The following AFF3 variants were observed in gnomAD, a reference collection of about 807,000 sequenced individuals.
AFF3 encodes ALF transcription elongation factor 3.
Under a neutral mutation model 129.7 loss-of-function variants are expected in AFF3, and 32 were observed. The ratio of observed to expected loss-of-function variants is 0.25; its 90% CI spans 0.19 to 0.33. The LOEUF is 0.33. Ranked by LOEUF, AFF3 falls within the 10% of genes least tolerant of loss-of-function variation. The pLI, the probability that AFF3 is intolerant of heterozygous loss-of-function variation, is 1.00. For synonymous variants in AFF3, 644 were observed against 635.4 expected (o/e 1.01, Z -0.20); for missense variants, 1,373 against 1,592.0 (o/e 0.86, Z 2.34).
intron 4 of AFF3, among the ~76,000 whole-genome samples, chr2:100,040,052 G>A (rs540514232): frequency 6.6e-6 from 1 of 152,242 alleles, no homozygotes; most frequent in East Asian, 1.9e-4. Flanking sequence ...TCAGCATTAA[G>A]AAGGACTGCA....
chr2:99,788,601 G>A lies in AFF3; in HGVS notation c.922-36300C>T, dbSNP rs568677983. On this transcript the variant is annotated intron_variant, in intron 8 of 24. Transcript: ENST00000672756. Reference sequence around the variant, plus strand: ...TCAAAAATTACACAACTTTAAAAATGTATAAAGTAAAAAGGTTACAGTAAG... The same window carrying A: ...TCAAAAATTACACAACTTTAAAAATATATAAAGTAAAAAGGTTACAGTAAG... Among the ~76,000 whole-genome samples the A allele has an allele frequency of 2.0e-4, 30 of 152,320 alleles. No homozygotes were observed. In the South Asian group the frequency reaches 4.6e-3, roughly 23 times the overall value.
rs576394683 is a variant in AFF3, at chr2:100,045,301, C to T, written c.54-36369G>A. 1.6e-3 allele frequency among the ~76,000 whole-genome samples: 251 copies of T among 152,298 alleles called. 7 individuals carry two copies. In the South Asian group the frequency reaches 0.051, roughly 31 times the overall value. On this transcript the variant is annotated intron_variant, in intron 4 of 24. Transcript: ENST00000672756. The stretch of plus-strand genomic sequence containing the variant: ...TACCCGCCAGCAACAGTCGCATGTT[C>T]ACCGGCGCTCTTTTCTTCTCGTTCT...
At position 99,546,874 on chromosome 2, in the gene AFF3, C is replaced by A. The variant is rs1376998256; in HGVS notation, c.*4600G>T. The A allele has an allele frequency of 2.7e-5, 6 of 219,948 alleles. No individual in the cohort carries two copies. In the Admixed American group the frequency reaches 3.5e-4, roughly 13 times the overall value. 13.6% of individuals were successfully genotyped at this position (219,948 alleles called of 1,614,324 possible). A position where few individuals can be genotyped will look rare whatever the true frequency, so the allele number is the denominator to read the frequency against. On this transcript the variant is annotated 3_prime_UTR_variant, in exon 25 of 25. Transcript: ENST00000672756. ...CCCAGGGCTACTGGTTGAACAGGAA[C>A]CCTGTGGCCATTGAGATGACCTTCT...
intron 8 of AFF3, among the ~76,000 whole-genome samples, chr2:99,782,649 T>C (rs1363106326): frequency 1.3e-5 from 2 of 152,236 alleles, no homozygotes; most frequent in Admixed American, 6.5e-5. Flanking sequence ...CTCAGGCCTC[T>C]CTTCTGATAT....
chr2:100,122,033 C>A (rs1276141253), intron 2 of AFF3, among the ~76,000 whole-genome samples: 2 of 152,170 alleles, frequency 1.3e-5, no homozygotes, highest in African/African-American at 4.8e-5. Flanking sequence ...CTGCAGTCCG[C>A]AGTCCGGCCT....
At chr2:99,796,409 T>C (rs1685562116) in intron 8 of AFF3, among the ~76,000 whole-genome samples, 1 of 152,246 alleles carries the variant, frequency 6.6e-6, no homozygotes, top group Non-Finnish European at 1.5e-5. Context: ...AAGTTTCTTA[T>C]TTGGAACAAA....
Position 99,686,047 on chromosome 2 carries a change from G to A in AFF3, c.1092-13458C>T, listed in dbSNP as rs560680066. Among the ~76,000 whole-genome samples the A allele has an allele frequency of 3.5e-3, 529 of 152,150 alleles. 3 individuals carry two copies. The highest frequency in any genetic ancestry group is 0.01 in the Middle Eastern group (3 of 292). On this transcript the variant is annotated intron_variant, in intron 11 of 24. Transcript: ENST00000672756. ...ACTAAAAATACAAAAAAAATTAGCC[G>A]GGCTTGGTGGTGGGTGCCTGTGGTC...
intron 12 of AFF3, among the ~76,000 whole-genome samples, chr2:99,663,722 T>C (rs1309631302): frequency 6.6e-6 from 1 of 152,210 alleles, no homozygotes; most frequent in African/African-American, 2.4e-5. Context: ...ATAAAAAGAC[T>C]GCCCAATATG....
intron 7 of AFF3, among the ~76,000 whole-genome samples, chr2:99,859,037 A>G (rs1690765821): frequency 6.6e-6 from 1 of 152,260 alleles, no homozygotes; most frequent in African/African-American, 2.4e-5. Context: ...TGGTTAAATC[A>G]CATTTTGGAA....
intron 7 of AFF3, among the ~76,000 whole-genome samples, chr2:99,999,688 C>T (rs1681203880): frequency 6.6e-6 from 1 of 152,176 alleles, no homozygotes; most frequent in African/African-American, 2.4e-5. Context: ...TATGTGCCAG[C>T]CACCGTGCTA....
intron 4 of AFF3, among the ~76,000 whole-genome samples, chr2:100,058,743 A>G (rs1318125475): frequency 3.3e-5 from 5 of 152,242 alleles, no homozygotes; most frequent in Non-Finnish European, 7.3e-5. Context: ...TAGAAAATAT[A>G]GGCCTTGATT....
intron 4 of AFF3, among the ~76,000 whole-genome samples, chr2:100,071,613 T>C (rs1688190123): frequency 6.6e-6 from 1 of 152,186 alleles, no homozygotes; most frequent in Non-Finnish European, 1.5e-5. Flanking sequence ...GCTGCACAAA[T>C]GAGCTGGCTC....
intron 7 of AFF3, among the ~76,000 whole-genome samples, chr2:99,843,716 TTAA>T (rs1689494058): frequency 6.6e-6 from 1 of 152,234 alleles, no homozygotes; most frequent in Admixed American, 6.5e-5. Flanking sequence ...TTTAAAATCG[TTAA>T]TAATTATATT....
chr2:99,747,949 C>T (rs932435328), intron 9 of AFF3, among the ~76,000 whole-genome samples: 5 of 152,080 alleles, frequency 3.3e-5, no homozygotes, highest in African/African-American at 7.2e-5. Flanking sequence ...GGCATTTGGC[C>T]AGCCTGCTTG....
rs576009496 is a variant in AFF3, at chr2:99,565,770, CT to C, written c.2983-148del. 333 of 909,964 alleles carry C rather than the reference CT, an allele frequency of 3.7e-4. No homozygotes were observed. The African/African-American group carries it at 5.2e-3, about 14-fold the overall frequency. The allele number at this position is 909,964 out of a possible 1,614,324, so 56.4% of individuals were successfully genotyped here. On this transcript the variant is annotated intron_variant, in intron 19 of 24. Coordinates refer to ENST00000672756, the MANE Select transcript of AFF3 (RefSeq NM_001386135.1). Reference sequence around the variant, plus strand: ...GAGAGAAGAAAGAAATAGAATACTTCTTTTCCTACTTATTTTCTCAAACTGC... The same window carrying C: ...GAGAGAAGAAAGAAATAGAATACTTCTTTCCTACTTATTTTCTCAAACTGC...
rs145239640 is a variant in AFF3 at position 99,701,401 on chromosome 2, A to G, written c.1091+25676T>C. On this transcript the variant is annotated intron_variant, in intron 11 of 24. Coordinates refer to ENST00000672756, the MANE Select transcript of AFF3 (RefSeq NM_001386135.1). The stretch of plus-strand genomic sequence containing the variant: ...GGAGGATTCTGTTAGTATTCTCATC[A>G]GGTATGCTGTTTATTAGACAGATTA... 1.4e-4 allele frequency among the ~76,000 whole-genome samples: 22 copies of G among 152,366 alleles called. No individual in the cohort carries two copies. The East Asian group carries it at 4.1e-3, about 28-fold the overall frequency.
intron 8 of AFF3, among the ~76,000 whole-genome samples, chr2:99,827,854 G>A (rs996131675): frequency 1.6e-4 from 24 of 151,938 alleles, no homozygotes; most frequent in African/African-American, 4.8e-4. Context: ...TACCCCCAGC[G>A]CCGAGAACAG....
intron 16 of AFF3, among the ~76,000 whole-genome samples, chr2:99,583,292 C>A (rs2104841030): frequency 6.6e-6 from 1 of 152,300 alleles, no homozygotes; most frequent in Middle Eastern, 3.4e-3. Flanking sequence ...ATCCAAGGAT[C>A]TCAAAATACC....
chr2:100,122,328 C>G (rs1284450998), intron 2 of AFF3, among the ~76,000 whole-genome samples: 2 of 152,202 alleles, frequency 1.3e-5, no homozygotes, highest in Admixed American at 1.3e-4. Flanking sequence ...CATGAGAGAA[C>G]CATCCAAAAT....
Sources: allele counts gnomAD v4.1 joint callset (sites outside exome capture counted in the v4.1 genomes callset), GRCh38; gene constraint gnomAD v4.1.1; transcripts MANE v1.5; gene names NCBI Gene and HGNC (gene_info 2026-07-23, HGNC 2026-07-21).